Variants in EGFR observed in about 807,000 individuals in gnomAD.
The protein encoded by EGFR is avian erythroblastic leukemia viral (v-erb-b) oncogene homolog.
EGFR carries 58 observed loss-of-function variants against 143.0 expected under a neutral mutation model. That is an observed-to-expected ratio of 0.41 (90% CI 0.33 to 0.50). EGFR has a LOEUF of 0.50. Among genes scored for constraint, EGFR ranks in the 20% least tolerant of loss-of-function variants. The pLI, the probability that EGFR is intolerant of heterozygous loss-of-function variation, is 0.39. For synonymous variants in EGFR, 613 were observed against 594.4 expected, an observed-to-expected ratio of 1.03 and a Z score of -0.45; for missense variants, 1,307 against 1,579.0, an observed-to-expected ratio of 0.83 and a Z score of 2.92.
chr7:55,067,051 C>T (rs1250971679), intron 1 of EGFR, among the ~76,000 whole-genome samples: 4 of 152,194 alleles, frequency 2.6e-5, no homozygotes, highest in East Asian at 1.9e-4. Context: ...CCTGCATCCT[C>T]GGCTCCTCAC....
intron 1 of EGFR, among the ~76,000 whole-genome samples, chr7:55,071,134 G>C (rs1789798471): frequency 6.6e-6 from 1 of 152,200 alleles, no homozygotes; most frequent in Non-Finnish European, 1.5e-5. Flanking sequence ...CACTGAGCAA[G>C]TTTCCACCAC....
intron 1 of EGFR, among the ~76,000 whole-genome samples, chr7:55,111,285 C>A (rs894068582): frequency 1.3e-5 from 2 of 151,982 alleles, no homozygotes; most frequent in Non-Finnish European, 2.9e-5. Context: ...CTCAATCAGC[C>A]AGGGTATGAT....
chr7:55,063,478 GA>G (rs1002136091), intron 1 of EGFR, among the ~76,000 whole-genome samples: 9 of 152,276 alleles, frequency 5.9e-5, no homozygotes, highest in Admixed American at 3.9e-4. Context: ...TGTATGGGAG[GA>G]AATATAATGA....
chr7:55,036,279 G>C (rs557182818), intron 1 of EGFR, among the ~76,000 whole-genome samples: 11 of 88,456 alleles, frequency 1.2e-4, no homozygotes, highest in Admixed American at 3.9e-4. Context: ...TGTGGGGGGG[G>C]GGGGGTGGGT....
At chr7:55,151,792 T>A (rs1483663087) in intron 5 of EGFR, among the ~76,000 whole-genome samples, 1 of 152,168 alleles carries the variant, frequency 6.6e-6, no homozygotes, top group Admixed American at 6.5e-5. Context: ...GAGAATGGCA[T>A]GAACCTGGGA....
intron 1 of EGFR, among the ~76,000 whole-genome samples, chr7:55,066,165 C>T (rs1789488811): frequency 6.6e-6 from 1 of 152,104 alleles, no homozygotes; most frequent in Non-Finnish European, 1.5e-5. Context: ...GTTTGCAAAG[C>T]CTCTTTCCCT....
chr7:55,090,879 C>T (rs1051677758), intron 1 of EGFR, among the ~76,000 whole-genome samples: 1 of 152,290 alleles, frequency 6.6e-6, no homozygotes, highest in Non-Finnish European at 1.5e-5. Context: ...CTGAAAAATG[C>T]ATTCTGATGT....
chr7:55,034,381 C>A (rs1278094011), intron 1 of EGFR, among the ~76,000 whole-genome samples: 2 of 152,176 alleles, frequency 1.3e-5, no homozygotes, highest in South Asian at 2.1e-4. Flanking sequence ...CTACAGGTGC[C>A]CGCCACCACA....
chr7:55,183,051 A>G (rs185037760), intron 20 of EGFR, among the ~76,000 whole-genome samples: 28 of 152,170 alleles, frequency 1.8e-4, no homozygotes, highest in Admixed American at 1.6e-3. Flanking sequence ...TGCTCCCACA[A>G]TGGTTCTGAG....
chr7:55,100,294 C>T (rs767167706), intron 1 of EGFR, among the ~76,000 whole-genome samples: 1 of 152,228 alleles, frequency 6.6e-6, no homozygotes. Flanking sequence ...CAAAGGCCTC[C>T]TTGGGGACAC....
chr7:55,127,811 A>G (rs1280295901), intron 1 of EGFR, among the ~76,000 whole-genome samples: 6 of 151,936 alleles, frequency 3.9e-5, no homozygotes, highest in Non-Finnish European at 7.3e-5. Flanking sequence ...CTTAAAAAGA[A>G]AAACAAAAGC....
At chr7:55,071,340 G>A (rs954130706) in intron 1 of EGFR, among the ~76,000 whole-genome samples, 5 of 152,238 alleles carry the variant, frequency 3.3e-5, no homozygotes, top group Non-Finnish European at 7.3e-5. Flanking sequence ...AAAGAAGCAA[G>A]CATTTTGAAT....
At chr7:55,033,837 A>G (rs1297852500) in intron 1 of EGFR, among the ~76,000 whole-genome samples, 2 of 152,160 alleles carry the variant, frequency 1.3e-5, no homozygotes, top group Non-Finnish European at 2.9e-5. Context: ...CTTTCCCTCA[A>G]GAGTGTTGCT....
chr7:55,196,695 T>C (rs1787633071), intron 22 of EGFR, among the ~76,000 whole-genome samples: 1 of 152,192 alleles, frequency 6.6e-6, no homozygotes, highest in Non-Finnish European at 1.5e-5. Flanking sequence ...TTTATTTTTG[T>C]GTATGGTGTA....
intron 1 of EGFR, among the ~76,000 whole-genome samples, chr7:55,041,806 T>C (rs1360054559): frequency 6.6e-6 from 1 of 152,228 alleles, no homozygotes; most frequent in East Asian, 1.9e-4. Flanking sequence ...TTATTTTACT[T>C]TTCAGATAAT....
intron 1 of EGFR, among the ~76,000 whole-genome samples, chr7:55,115,989 G>A (rs1006209607): frequency 4.6e-5 from 7 of 152,162 alleles, no homozygotes; most frequent in Admixed American, 6.5e-5. Context: ...AGTGTTCCTA[G>A]GCACGGGTTA....
intron 1 of EGFR, among the ~76,000 whole-genome samples, chr7:55,070,944 G>A (rs920349078): frequency 6.6e-6 from 1 of 152,224 alleles, no homozygotes; most frequent in Admixed American, 6.5e-5. Flanking sequence ...GTAAAGTTTT[G>A]CTTTATTCCA....
chr7:55,142,922 T>G (rs914136820), intron 2 of EGFR, among the ~76,000 whole-genome samples: 18 of 152,242 alleles, frequency 1.2e-4, no homozygotes, highest in African/African-American at 4.3e-4. Flanking sequence ...TGGATGGGGT[T>G]TACTTAGCCT....
At chr7:55,060,659 G>C (rs980808432) in intron 1 of EGFR, among the ~76,000 whole-genome samples, 8 of 152,110 alleles carry the variant, frequency 5.3e-5, no homozygotes, top group Admixed American at 5.2e-4. Context: ...TGTGTTTTGG[G>C]AGCCATAGAT....
Sources: allele counts gnomAD v4.1 joint callset (sites outside exome capture counted in the v4.1 genomes callset), GRCh38; gene constraint gnomAD v4.1.1; transcripts MANE v1.5; gene names NCBI Gene and HGNC (gene_info 2026-07-23, HGNC 2026-07-21).